Variants in EDIL3 observed in about 807,000 individuals in gnomAD.
EDIL3 encodes EGF-like repeat and discoidin I-like domain-containing protein 3.
In EDIL3, 37 loss-of-function variants were observed where a neutral mutation model predicts 67.4. The ratio of observed to expected loss-of-function variants is 0.55; its 90% CI spans 0.42 to 0.72. The LOEUF (loss-of-function observed/expected upper bound fraction) is 0.72, where lower values mean the gene tolerates loss of function less well. EDIL3 is among the 30% of genes least tolerant of loss of function. The probability of loss-of-function intolerance (pLI) is 0.00; values close to 1 mark genes in which losing one functional copy is unlikely to be tolerated. For synonymous variants in EDIL3, 195 were observed against 196.3 expected, an observed-to-expected ratio of 0.99 and a Z score of 0.05; for missense variants, 527 against 586.3, an observed-to-expected ratio of 0.90 and a Z score of 1.04.
chr5:84,346,135 C>CTTTT lies in EDIL3; in HGVS notation c.67+38169_67+38172dup, dbSNP rs912729041. On this transcript the variant is annotated intron_variant, in intron 1 of 10. Transcript: ENST00000296591. Reference sequence around the variant, plus strand: ...TCAGGAGTCATCAAACTTTTTTTTTCTTTTTTTTTTTTTTTTTTGAAATGG... The same window carrying CTTTT: ...TCAGGAGTCATCAAACTTTTTTTTTCTTTTTTTTTTTTTTTTTTTTTTGAAATGG... Among the ~76,000 whole-genome samples the CTTTT allele has an allele frequency of 3.9e-4, 48 of 122,890 alleles. 1 individual carries two copies. The highest frequency in any genetic ancestry group is 1.1e-3 in the African/African-American group (36 of 32,454). The allele number at this position is 122,890 out of a possible 152,430, so 80.6% of individuals were successfully genotyped here. A position where few individuals can be genotyped will look rare whatever the true frequency, so the allele number is the denominator to read the frequency against.
At chr5:84,380,625 A>G (rs1340845918) in intron 1 of EDIL3, among the ~76,000 whole-genome samples, 1 of 152,132 alleles carries the variant, frequency 6.6e-6, no homozygotes, top group Admixed American at 6.5e-5. Flanking sequence ...TTAGGCTTCA[A>G]GAAACTCTCA....
intron 1 of EDIL3, among the ~76,000 whole-genome samples, chr5:84,312,522 C>A (rs1323557664): frequency 4.1e-5 from 6 of 146,446 alleles, no homozygotes; most frequent in Non-Finnish European, 9.0e-5. Flanking sequence ...GACCCCCCCA[C>A]CTCCCTCCCG....
At position 83,941,488 on chromosome 5, in the gene EDIL3, G is replaced by GA. The variant is rs1561379797; in HGVS notation, c.*1930dup. On this transcript the variant is annotated 3_prime_UTR_variant, in exon 11 of 11. Transcript: ENST00000296591. ...TTAAGAAGGTATGTAATTTGCAAAG[G>GA]AAAATGGCTAGATATCTGATGGGAC... 5 of 151,866 alleles carry GA rather than the reference G, an allele frequency of 3.3e-5. No homozygotes were observed. Among genetic ancestry groups the GA allele is most frequent in the African/African-American group, 1.2e-4 (5 of 41,404 alleles). The allele number at this position is 151,866 out of a possible 1,614,324, so 9.4% of individuals were successfully genotyped here. A position where few individuals can be genotyped will look rare whatever the true frequency, so the allele number is the denominator to read the frequency against.
intron 1 of EDIL3, among the ~76,000 whole-genome samples, chr5:84,333,030 A>T (rs773099668): frequency 6.6e-6 from 1 of 152,186 alleles, no homozygotes; most frequent in Non-Finnish European, 1.5e-5. Flanking sequence ...TTTCAAATGG[A>T]TAAGCTAATA....
chr5:84,294,960 A>G (rs1412618136), intron 1 of EDIL3, among the ~76,000 whole-genome samples: 1 of 152,198 alleles, frequency 6.6e-6, no homozygotes, highest in Non-Finnish European at 1.5e-5. Flanking sequence ...ACTGAATGCA[A>G]TATACATTAC....
At chr5:83,992,327 A>G (rs1337025928) in intron 9 of EDIL3, among the ~76,000 whole-genome samples, 1 of 152,216 alleles carries the variant, frequency 6.6e-6, no homozygotes, top group Non-Finnish European at 1.5e-5. Context: ...TCCACAGACA[A>G]CAATAAAGAA....
intron 1 of EDIL3, among the ~76,000 whole-genome samples, chr5:84,307,454 G>A (rs1166001684): frequency 6.6e-6 from 1 of 152,168 alleles, no homozygotes; most frequent in Non-Finnish European, 1.5e-5. Context: ...TATATAAGCT[G>A]CAGTAATTAG....
intron 3 of EDIL3, among the ~76,000 whole-genome samples, chr5:84,209,635 T>TAA (rs113385032): frequency 5.1e-4 from 76 of 149,398 alleles, no homozygotes; most frequent in East Asian, 4.3e-3. Context: ...CTAAACTTAT[T>TAA]AAAAAAAAAA....
chr5:84,356,885 C>CTTT (rs1229298711), intron 1 of EDIL3, among the ~76,000 whole-genome samples: 12 of 39,346 alleles, frequency 3.0e-4, no homozygotes, highest in African/African-American at 5.2e-4. Context: ...AACAATCTTT[C>CTTT]TTTCTTTTTT....
At chr5:84,252,493 CAAAAAAAAAAAAAA>C (rs70975548) in intron 2 of EDIL3, among the ~76,000 whole-genome samples, 1 of 28,944 alleles carries the variant, frequency 3.5e-5, no homozygotes, top group African/African-American at 1.4e-4. Flanking sequence ...GACTCCGTCT[CAAAAAAAAAAAAAA>C]AAAAAAAAAA....
At chr5:84,251,687 T>C (rs988462254) in intron 2 of EDIL3, among the ~76,000 whole-genome samples, 2 of 152,192 alleles carry the variant, frequency 1.3e-5, no homozygotes, top group Non-Finnish European at 2.9e-5. Context: ...TGATTTCTCA[T>C]TATTTTCTGA....
At chr5:84,154,530 G>A (rs1032655471) in intron 4 of EDIL3, among the ~76,000 whole-genome samples, 14 of 151,494 alleles carry the variant, frequency 9.2e-5, no homozygotes, top group African/African-American at 3.4e-4. Flanking sequence ...TTAAAATCAC[G>A]ACACATTTAA....
intron 3 of EDIL3, among the ~76,000 whole-genome samples, chr5:84,206,794 A>G (rs1164608387): frequency 2.0e-5 from 3 of 152,108 alleles, no homozygotes; most frequent in Admixed American, 6.6e-5. Flanking sequence ...AAAGACAAAA[A>G]CCACATGATT....
intron 2 of EDIL3, among the ~76,000 whole-genome samples, chr5:84,231,488 A>C (rs1194878873): frequency 6.6e-6 from 1 of 152,196 alleles, no homozygotes. Context: ...ATTGCTTATA[A>C]AGGAACTTTG....
At chr5:84,229,499 C>G (rs1031712006) in intron 3 of EDIL3, among the ~76,000 whole-genome samples, 2 of 152,086 alleles carry the variant, frequency 1.3e-5, no homozygotes, top group Admixed American at 6.6e-5. Context: ...CATTTTCCTC[C>G]TTTTTAATCT....
intron 9 of EDIL3, among the ~76,000 whole-genome samples, chr5:84,021,665 A>C (rs1004359604): frequency 8.6e-5 from 13 of 152,010 alleles, no homozygotes; most frequent in Admixed American, 4.6e-4. Context: ...AGAACGTTGT[A>C]TATTTGGCAG....
At chr5:84,022,526 A>G (rs1268084976) in intron 9 of EDIL3, among the ~76,000 whole-genome samples, 1 of 152,030 alleles carries the variant, frequency 6.6e-6, no homozygotes, top group Non-Finnish European at 1.5e-5. Flanking sequence ...CAATTTCAGT[A>G]TACATAATGG....
intron 4 of EDIL3, among the ~76,000 whole-genome samples, chr5:84,176,212 T>TAAA (rs1349965068): frequency 8.2e-6 from 1 of 121,472 alleles, no homozygotes; most frequent in African/African-American, 4.3e-5. Flanking sequence ...TATATATATA[T>TAAA]ATATATATAT....
chr5:84,175,282 G>A (rs1000334300), intron 4 of EDIL3, among the ~76,000 whole-genome samples: 1 of 151,582 alleles, frequency 6.6e-6, no homozygotes, highest in African/African-American at 2.4e-5. Context: ...AATGATAAGA[G>A]GAATTCTAGA....
Sources: allele counts gnomAD v4.1 joint callset (sites outside exome capture counted in the v4.1 genomes callset), GRCh38; gene constraint gnomAD v4.1.1; transcripts MANE v1.5; gene names NCBI Gene and HGNC (gene_info 2026-07-23, HGNC 2026-07-21).